The following ZNF334 variants were observed in gnomAD, a reference collection of about 807,000 sequenced individuals.
ZNF334 encodes zinc finger protein 334.
A neutral mutation model predicts 12.4 loss-of-function variants in ZNF334; 14 were observed. The observed-to-expected ratio is 1.13, with a 90% CI of 0.74 to 1.76. The LOEUF is 1.76. ZNF334 is among the 40% of genes most tolerant of loss of function. The probability of loss-of-function intolerance (pLI) is 0.00; values close to 1 mark genes in which losing one functional copy is unlikely to be tolerated. For synonymous variants in ZNF334, 273 were observed against 269.6 expected (o/e 1.01, Z -0.12); for missense variants, 797 against 804.5 (o/e 0.99, Z 0.11).
the ZNF334 span, among the ~76,000 whole-genome samples, chr20:46,490,500 T>C: frequency 4.3e-3 from 656 of 152,340 alleles, 6 homozygotes; most frequent in African/African-American, 0.015. Context: ...TAATCCATGC[T>C]TAGGATTTCA....
intron 2 of ZNF334, among the ~76,000 whole-genome samples, chr20:46,507,275 G>A (rs1192605847): frequency 6.6e-6 from 1 of 151,844 alleles, no homozygotes; most frequent in Non-Finnish European, 1.5e-5. Flanking sequence ...AGGAAATAAA[G>A]AAAAGGCTAG....
chr20:46,470,178 G>A, the ZNF334 span, among the ~76,000 whole-genome samples: 1 of 152,194 alleles, frequency 6.6e-6, no homozygotes, highest in African/African-American at 2.4e-5. Flanking sequence ...AGTTTTTCAA[G>A]GCCCTACAAT....
chr20:46,496,487 T>G (rs1447788840), downstream of ZNF334, among the ~76,000 whole-genome samples: 1 of 152,172 alleles, frequency 6.6e-6, no homozygotes, highest in Non-Finnish European at 1.5e-5. Context: ...CAACAAGGGA[T>G]TTACCATCCT....
At chr20:46,474,467 A>T in the ZNF334 span, 2 of 152,200 alleles carry the variant, frequency 1.3e-5, no homozygotes, top group African/African-American at 4.8e-5. Flanking sequence ...ATATTGTAAC[A>T]TCAGTAAACA....
At chr20:46,499,460 C>A (rs6090508), downstream of ZNF334, among the ~76,000 whole-genome samples, 361 of 152,142 alleles carry the variant, frequency 2.4e-3, 3 homozygotes, top group African/African-American at 8.2e-3. Flanking sequence ...CTTTATTAAA[C>A]TAGTTTTGAT....
chr20:46,492,738 G>A, the ZNF334 span: 5 of 152,280 alleles, frequency 3.3e-5, no homozygotes, highest in East Asian at 3.9e-4. Context: ...CTAATTCTTC[G>A]TGGATTCATG....
At chr20:46,506,313 T>G (rs1384463179) in intron 2 of ZNF334, 2 of 653,026 alleles carry the variant, frequency 3.1e-6, no homozygotes, top group Non-Finnish European at 5.5e-6. Context: ...TTACCTTTTA[T>G]GTAAGAAAGG....
the ZNF334 span, chr20:46,485,586 G>A: frequency 3.3e-5 from 5 of 152,038 alleles, no homozygotes; most frequent in African/African-American, 7.2e-5. Flanking sequence ...TCGCCAGAAT[G>A]TAAGATGATC....
the ZNF334 span, chr20:46,481,082 G>C: frequency 6.6e-6 from 1 of 152,196 alleles, no homozygotes; most frequent in Non-Finnish European, 1.5e-5. Flanking sequence ...TCAATTTTAA[G>C]GTGTGGCTTC....
downstream of ZNF334, among the ~76,000 whole-genome samples, chr20:46,497,247 A>G (rs895817914): frequency 2.6e-5 from 4 of 152,204 alleles, no homozygotes; most frequent in South Asian, 2.1e-4. Flanking sequence ...TGGGGTAGAC[A>G]GTGGTTCTGG....
the ZNF334 span, among the ~76,000 whole-genome samples, chr20:46,467,361 T>A: frequency 6.6e-6 from 1 of 151,992 alleles, no homozygotes; most frequent in Non-Finnish European, 1.5e-5. Flanking sequence ...GGGAAAAAAA[T>A]TGAACCAAAA....
At chr20:46,496,345 ATC>A (rs1453419419), downstream of ZNF334, among the ~76,000 whole-genome samples, 2 of 152,174 alleles carry the variant, frequency 1.3e-5, no homozygotes, top group East Asian at 1.9e-4. Flanking sequence ...CATTTTGAGG[ATC>A]TGTTTCCTGG....
intron 3 of ZNF334, 44 bp from the exon 4 acceptor site, chr20:46,504,350 A>T: frequency 6.6e-7 from 1 of 1,513,376 alleles, no homozygotes; most frequent in South Asian, 1.1e-5. Context: ...ATCTTTGGAC[A>T]TCAGAGACTC....
At chr20:46,485,467 G>C in the ZNF334 span, 8 of 151,518 alleles carry the variant, frequency 5.3e-5, no homozygotes, top group Non-Finnish European at 1.0e-4. Context: ...ATTCTGGAGA[G>C]AGACTGATTT....
the ZNF334 span, chr20:46,481,468 C>A: frequency 6.6e-6 from 1 of 152,172 alleles, no homozygotes; most frequent in African/African-American, 2.4e-5. Context: ...ACTGACTGAC[C>A]AAGAGGAGTC....
In ZNF334 at chr20:46,507,648, G is replaced by A. The variant is rs73908916; in HGVS notation, c.22-2908C>T. Among the ~76,000 whole-genome samples the A allele has an allele frequency of 4.9e-3, 750 of 152,222 alleles. 5 individuals are homozygous for A. Among genetic ancestry groups the A allele is most frequent in the African/African-American group, 0.017 (712 of 41,546 alleles). On this transcript the variant is annotated intron_variant, in intron 2 of 4. Transcript: ENST00000692313. Reference sequence around the variant, plus strand: ...CTGCCTCCACCTCTGCAGACACCTGGGCTTTGGCCTGCTGTATGTCTCACC... The same window carrying A: ...CTGCCTCCACCTCTGCAGACACCTGAGCTTTGGCCTGCTGTATGTCTCACC...
At position 46,500,192 on chromosome 20, in the gene ZNF334, C is replaced by T. The variant is rs1047637481; in HGVS notation, c.*1104G>A. ...CTATCTTACCAACTAGATAAGCCCA[C>T]TTCCTCATGCCTGGGGCAGAATGCA... On this transcript the variant is annotated 3_prime_UTR_variant, in exon 5 of 5. Coordinates refer to ENST00000692313, the MANE Select transcript of ZNF334 (RefSeq NM_001353824.2). 6 of 152,206 alleles carry T rather than the reference C, an allele frequency of 3.9e-5. No homozygotes were observed. Among genetic ancestry groups the T allele is most frequent in the African/African-American group, 1.4e-4 (6 of 41,462 alleles). The allele number at this position is 152,206 out of a possible 1,614,324, so 9.4% of individuals were successfully genotyped here.
rs1241488833 is a variant in ZNF334, at chr20:46,501,951, CA to C, written c.1387del (p.Cys463ValfsTer38). ...ITHRGKKSYE[C>X]NECGKFFCHK... ...GCAGAAAAATTTCCCACATTCATTA[CA>C]TTCATAAGACTTCTTTCCTCTATGA... On this transcript the variant is annotated frameshift_variant, in exon 5 of 5. Transcript: ENST00000692313. LOFTEE classifies it low-confidence loss of function (END_TRUNC). 3 of 1,614,042 alleles carry C rather than the reference CA, an allele frequency of 1.9e-6. No homozygotes were observed. The South Asian group carries it at 3.3e-5, about 18-fold the overall frequency.
In ZNF334 at chr20:46,503,086, C is replaced by T. The variant is rs748071731; in HGVS notation, c.253G>A (p.Ala85Thr). ...SNQNYPDIDDALEKNKEIQDK... is the reference protein window; with the variant it reads ...SNQNYPDIDDTLEKNKEIQDK... ...TGGATTTCCTTGTTCTTCTCTAAGG[C>T]ATCATCAATGTCTAGAAAAAGGAAC... The change falls in exon 5 of 5, where the codon GCC becomes ACC. Residue 85 changes from alanine (A) to threonine (T), a missense_variant. Physicochemically the swap from Ala to Thr is moderately conservative, Grantham distance 58. Transcript: ENST00000692313. 31 of 1,596,034 alleles carry T rather than the reference C, an allele frequency of 1.9e-5. No homozygotes were observed. Among genetic ancestry groups the T allele is most frequent in the Non-Finnish European group, 2.6e-5 (30 of 1,171,308 alleles).
Sources: allele counts gnomAD v4.1 joint callset (sites outside exome capture counted in the v4.1 genomes callset), GRCh38; gene constraint gnomAD v4.1.1; transcripts MANE v1.5; gene names NCBI Gene and HGNC (gene_info 2026-07-23, HGNC 2026-07-21).